The following TOX2 variants were observed in gnomAD, a reference collection of about 807,000 sequenced individuals.
TOX2 encodes granulosa cell HMG box 1.
A neutral mutation model predicts 47.4 loss-of-function variants in TOX2; 15 were observed. The observed-to-expected ratio is 0.32, with a 90% CI of 0.21 to 0.49. The LOEUF (loss-of-function observed/expected upper bound fraction) is 0.49. Among genes scored for constraint, TOX2 ranks in the 20% least tolerant of loss-of-function variants. TOX2 has a pLI of 0.99. For missense variants in TOX2, 622 were observed against 673.1 expected, an observed-to-expected ratio of 0.92 and a Z score of 0.84; for synonymous variants, 290 against 296.6, an observed-to-expected ratio of 0.98 and a Z score of 0.23.
intron 2 of TOX2, among the ~76,000 whole-genome samples, chr20:43,998,083 G>A (rs1174073749): frequency 2.0e-5 from 3 of 152,184 alleles, no homozygotes; most frequent in Non-Finnish European, 4.4e-5. Context: ...TTACAATCAT[G>A]GTAGAAGGGT....
intron 1 of TOX2, among the ~76,000 whole-genome samples, chr20:43,963,921 T>A (rs1057337161): frequency 6.6e-6 from 1 of 152,166 alleles, no homozygotes; most frequent in Non-Finnish European, 1.5e-5. Flanking sequence ...GAGGTAGTTA[T>A]AGCAACTGGC....
At chr20:43,993,238 C>T (rs973025396) in intron 2 of TOX2, among the ~76,000 whole-genome samples, 21 of 152,088 alleles carry the variant, frequency 1.4e-4, no homozygotes, top group African/African-American at 5.1e-4. Context: ...GGGAGTATCA[C>T]CATCAGTTTT....
chr20:43,977,613 G>T (rs2070105107), intron 2 of TOX2, among the ~76,000 whole-genome samples: 1 of 151,972 alleles, frequency 6.6e-6, no homozygotes, highest in Admixed American at 6.6e-5. Flanking sequence ...CCATTGTTTG[G>T]TTTTTGCAAG....
chr20:43,954,592 T>C lies in TOX2; in HGVS notation c.100-18775T>C, dbSNP rs1369547612. Among the ~76,000 whole-genome samples, 4 of 152,180 alleles carry C rather than the reference T, an allele frequency of 2.6e-5. No homozygotes were observed. In the East Asian group the frequency reaches 7.7e-4, roughly 29 times the overall value. Reference sequence around the variant, plus strand: ...AGAGGGAGCTCTGGACCTTTGAGGGTGGCTGGAGGCTCCTGGACCTGCCTT... The same window carrying C: ...AGAGGGAGCTCTGGACCTTTGAGGGCGGCTGGAGGCTCCTGGACCTGCCTT... On this transcript the variant is annotated intron_variant, in intron 1 of 8. Transcript: ENST00000341197.
At chr20:43,989,215 G>A (rs2070325246) in intron 2 of TOX2, among the ~76,000 whole-genome samples, 1 of 152,166 alleles carries the variant, frequency 6.6e-6, no homozygotes, top group Non-Finnish European at 1.5e-5. Flanking sequence ...AGAAGTGCTG[G>A]CCTAGTGTAC....
At position 44,048,391 on chromosome 20, in the gene TOX2, T is replaced by TATAC. The variant is rs1395287242; in HGVS notation, c.412-2912_412-2911insCATA. Among the ~76,000 whole-genome samples, 4 of 122,922 alleles carry TATAC rather than the reference T, an allele frequency of 3.3e-5. 1 individual carries two copies. The highest frequency in any genetic ancestry group is 6.9e-5 in the Non-Finnish European group (4 of 58,316). The allele number at this position is 122,922 out of a possible 152,430, so 80.6% of individuals were successfully genotyped here. A position where few individuals can be genotyped will look rare whatever the true frequency, so the allele number is the denominator to read the frequency against. ...TTAGTATCTGGATAAAATGAATTTA[T>TATAC]ATATATATATATATATATATATGTA... On this transcript the variant is annotated intron_variant, in intron 3 of 8. Coordinates refer to ENST00000341197, the MANE Select transcript of TOX2 (RefSeq NM_001098797.2).
intron 1 of TOX2, among the ~76,000 whole-genome samples, chr20:43,935,647 C>T (rs192468594): frequency 6.7e-4 from 101 of 151,814 alleles, no homozygotes; most frequent in East Asian, 4.3e-3. Flanking sequence ...GTGGATCTGC[C>T]GGGTGGGGTG....
At chr20:43,982,946 C>T (rs1200232018) in intron 2 of TOX2, among the ~76,000 whole-genome samples, 3 of 151,674 alleles carry the variant, frequency 2.0e-5, no homozygotes, top group Non-Finnish European at 4.4e-5. Context: ...GTGAGAATCC[C>T]AGTGGCTCCA....
chr20:43,965,863 G>A (rs2069842420), intron 1 of TOX2, among the ~76,000 whole-genome samples: 1 of 152,300 alleles, frequency 6.6e-6, no homozygotes, highest in African/African-American at 2.4e-5. Context: ...AAGTCAAGAT[G>A]AGCATGATGT....
At chr20:43,933,085 G>A (rs1418030956) in intron 1 of TOX2, among the ~76,000 whole-genome samples, 1 of 152,176 alleles carries the variant, frequency 6.6e-6, no homozygotes, top group East Asian at 1.9e-4. Flanking sequence ...CTCAACAGAA[G>A]GGTGAGAAGC....
intron 3 of TOX2, among the ~76,000 whole-genome samples, chr20:44,007,918 G>A (rs1348682876): frequency 6.6e-6 from 1 of 152,068 alleles, no homozygotes; most frequent in Non-Finnish European, 1.5e-5. Context: ...AAATTTGTCT[G>A]TTCTGGACAT....
Position 43,961,804 on chromosome 20 carries a change from A to G in TOX2, c.100-11563A>G, listed in dbSNP as rs989903836. On this transcript the variant is annotated intron_variant, in intron 1 of 8. Transcript: ENST00000341197. Reference sequence around the variant, plus strand: ...CCGGTGGGTGAGACCAGCCGAGAGCACGTACATTGGCATCCCCCACAGCAG... The same window carrying G: ...CCGGTGGGTGAGACCAGCCGAGAGCGCGTACATTGGCATCCCCCACAGCAG... 2.6e-5 allele frequency among the ~76,000 whole-genome samples: 4 copies of G among 151,982 alleles called. No individual in the cohort carries two copies. In the East Asian group the frequency reaches 5.8e-4, roughly 22 times the overall value.
intron 1 of TOX2, among the ~76,000 whole-genome samples, chr20:43,963,762 C>T (rs577443277): frequency 1.4e-4 from 22 of 152,168 alleles, no homozygotes; most frequent in Admixed American, 5.2e-4. Flanking sequence ...AAAAATCGGC[C>T]CTGGCAGTTG....
chr20:44,026,248 T>TACAC (rs750976068), intron 3 of TOX2, among the ~76,000 whole-genome samples: 2 of 67,724 alleles, frequency 3.0e-5, no homozygotes, highest in Non-Finnish European at 3.1e-5. Flanking sequence ...TATATATATA[T>TACAC]AGACACACAC....
chr20:43,963,681 GA>G (rs1180719148), intron 1 of TOX2, among the ~76,000 whole-genome samples: 1 of 152,190 alleles, frequency 6.6e-6, no homozygotes, highest in Non-Finnish European at 1.5e-5. Context: ...CCAATCAGGA[GA>G]AAAACATTTT....
intron 1 of TOX2, among the ~76,000 whole-genome samples, chr20:43,940,435 G>A (rs2069387651): frequency 6.6e-6 from 1 of 151,652 alleles, no homozygotes; most frequent in Non-Finnish European, 1.5e-5. Context: ...TGTTGCCCAG[G>A]CTGCTCTTGA....
intron 3 of TOX2, among the ~76,000 whole-genome samples, chr20:44,034,206 C>T (rs1431352409): frequency 2.6e-5 from 4 of 152,204 alleles, no homozygotes; most frequent in Non-Finnish European, 5.9e-5. Flanking sequence ...TCTGCACCCT[C>T]CTTATCTTCT....
Position 44,066,864 on chromosome 20 carries a change from C to T in TOX2, c.1484+7C>T, listed in dbSNP as rs776854988. 8.1e-6 allele frequency: 13 copies of T among 1,609,812 alleles called. No individual in the cohort carries two copies. In the South Asian group the frequency reaches 1.3e-4, roughly 16 times the overall value. ...GTGGCATCAGCACCTGCAGGTTAGT[C>T]CTCGCCCGTCCCTGCCTTTGTCCTG... On this transcript the variant is annotated splice_region_variant and intron_variant, in intron 8 of 8. Transcript: ENST00000341197.
chr20:43,949,925 C>T (rs2069532025), intron 1 of TOX2, among the ~76,000 whole-genome samples: 1 of 152,092 alleles, frequency 6.6e-6, no homozygotes, highest in Non-Finnish European at 1.5e-5. Flanking sequence ...GCAGTAGATG[C>T]AAAAGACCTC....
Sources: allele counts gnomAD v4.1 joint callset (sites outside exome capture counted in the v4.1 genomes callset), GRCh38; gene constraint gnomAD v4.1.1; transcripts MANE v1.5; gene names NCBI Gene and HGNC (gene_info 2026-07-23, HGNC 2026-07-21).